RNF40: variants seen among roughly 807,000 people sequenced by gnomAD.
RNF40 encodes the protein ring finger protein 40.
In RNF40, 39 loss-of-function variants were observed where a neutral mutation model predicts 123.3. The ratio of observed to expected loss-of-function variants is 0.32; its 90% confidence interval spans 0.24 to 0.41. RNF40 has a LOEUF of 0.41. RNF40 is among the 10% of genes least tolerant of loss of function. The pLI is 1.00. For missense variants in RNF40, 1,003 were observed against 1,319.9 expected, an observed-to-expected ratio of 0.76 and a Z score of 3.72; for synonymous variants, 538 against 526.0, an observed-to-expected ratio of 1.02 and a Z score of -0.31.
Position 30,763,506 on chromosome 16 carries a change from G to A in RNF40, c.389G>A (p.Gly130Glu), listed in dbSNP as rs1314530349. 4 of 1,614,018 alleles carry A rather than the reference G, an allele frequency of 2.5e-6. No homozygotes were observed. The highest frequency in any genetic ancestry group is 1.7e-5 in the Admixed American group (1 of 60,002). The part of the protein sequence containing the change: ...SAPEAPGTQE[G>E]PTCDGTPLPE... The stretch of plus-strand genomic sequence containing the variant: ...CCTGAGGCACCTGGGACCCAGGAGG[G>A]GCCAACATGTGATGGGACTCCTCTC... The change falls in exon 4 of 20, where the codon GGG (glycine) becomes GAG (glutamate). Residue 130 changes from glycine (G) to glutamate (E), a missense_variant. Coordinates refer to ENST00000324685, the MANE Select transcript of RNF40 (RefSeq NM_014771.4).
Position 30,762,377 on chromosome 16 carries a change from C to CG in RNF40, c.-72+24dup, listed in dbSNP as rs769646000. 1.2e-4 allele frequency: 82 copies of CG among 676,136 alleles called. No individual in the cohort carries two copies. The highest frequency in any genetic ancestry group is 4.2e-4 in the Middle Eastern group (1 of 2,400). The allele number at this position is 676,136 out of a possible 1,614,324, so 41.9% of individuals were successfully genotyped here. A position where few individuals can be genotyped will look rare whatever the true frequency, so the allele number is the denominator to read the frequency against. ...CTCCTGCTGGTGAGGGCTCTGGCGC[C>CG]GGGGGGGACGGGATCCAGCAGGTGT... is the stretch of plus-strand genomic sequence containing the variant. On this transcript the variant is annotated intron_variant, in intron 1 of 19. Coordinates refer to ENST00000324685, the MANE Select transcript of RNF40 (RefSeq NM_014771.4).
chr16:30,775,056 G>T lies in RNF40; in HGVS notation c.*942G>T. On this transcript the variant is annotated 3_prime_UTR_variant, in exon 20 of 20. Transcript: ENST00000324685. ...TCTGCCTGCCCAGCCATGCTCCATC[G>T]GCTGTGAGGGCAGTGCCCGGAGAGG... 1 of 456,438 alleles carries T rather than the reference G, an allele frequency of 2.2e-6. No homozygotes were observed. The allele number at this position is 456,438 out of a possible 1,614,324, so 28.3% of individuals were successfully genotyped here.
chr16:30,762,812 T>C (rs2151324406), intron 2 of RNF40, 135 bp downstream of exon 2: 1 of 1,196,196 alleles, frequency 8.4e-7, no homozygotes, highest in South Asian at 1.4e-5. Context: ...AAAGAAAGGT[T>C]AGAAAGAAGC....
chr16:30,766,060 G>A lies in RNF40; in HGVS notation c.994-103G>A, dbSNP rs777072946. The A allele has an allele frequency of 1.3e-6, 2 of 1,523,898 alleles. No individual in the cohort carries two copies. Among genetic ancestry groups the A allele is most frequent in the Non-Finnish European group, 1.8e-6 (2 of 1,108,034 alleles). 94.4% of individuals were successfully genotyped at this position (1,523,898 alleles called of 1,614,324 possible). On this transcript the variant is annotated intron_variant, in intron 8 of 19. Coordinates refer to ENST00000324685, the MANE Select transcript of RNF40 (RefSeq NM_014771.4). This position sits in a 1 kb window ranked among gnomAD's most constrained non-coding sequence, Gnocchi z 5.4. ...GTTTGGGGTGTCAGAATCGATCATT[G>A]CCCTGCACGGGGTGCTTGGGGTGGA...
rs561524511 is a variant in RNF40, at chr16:30,765,122, C to G, written c.772-59C>G. 2.5e-6 allele frequency: 4 copies of G among 1,611,416 alleles called. No homozygotes were observed. The South Asian group carries it at 3.3e-5, about 13-fold the overall frequency. ...AGGCAGGATTTGGGTTAGATGGGCA[C>G]TCAGGGACCTCAGGAACCAAGTCCC... On this transcript the variant is annotated intron_variant, in intron 6 of 19. Transcript: ENST00000324685.
chr16:30,768,746 G>C lies in RNF40; in HGVS notation c.2097+10G>C. On this transcript the variant is annotated intron_variant, in intron 14 of 19. Transcript: ENST00000324685. The surrounding 1 kb of genome is among the most constrained non-coding windows in gnomAD (Gnocchi z 4.1). Reference sequence around the variant, plus strand: ...CAAGGCTAAGGCCGAGGTGAGGGCAGCTGGGGCTTGTGGGGCATTCAGAAA... The same window carrying C: ...CAAGGCTAAGGCCGAGGTGAGGGCACCTGGGGCTTGTGGGGCATTCAGAAA... 6.2e-7 allele frequency: 1 copy of C among 1,613,844 alleles called. No individual in the cohort carries two copies. Among genetic ancestry groups the C allele is most frequent in the Non-Finnish European group, 8.5e-7 (1 of 1,179,988 alleles).
upstream of RNF40, chr16:30,761,745 G>A: frequency 1.3e-6 from 2 of 1,522,040 alleles, no homozygotes; most frequent in Non-Finnish European, 1.8e-6. Flanking sequence ...TTGCGGTTGA[G>A]CATCTCGCCG....
intron 2 of RNF40, 139 bp from the exon 3 acceptor site, chr16:30,762,979 C>G (rs1014946991): frequency 1.0e-6 from 1 of 1,000,326 alleles, no homozygotes; most frequent in Non-Finnish European, 1.5e-6. Context: ...TCTGAGCCTC[C>G]TTAGATTCTG....
chr16:30,762,277 T>TGGG (rs141812412), upstream of RNF40: 193 of 401,282 alleles, frequency 4.8e-4, no homozygotes, highest in African/African-American at 1.8e-3. Flanking sequence ...TGCGCACCGT[T>TGGG]GGGGGGGGGG....
rs755381769 is a variant in RNF40 at position 30,765,407 on chromosome 16, T to C, written c.919-18T>C. 5.3e-5 allele frequency: 85 copies of C among 1,614,060 alleles called. No individual in the cohort carries two copies. The highest frequency in any genetic ancestry group is 6.9e-5 in the Non-Finnish European group (82 of 1,179,996). ...TCCTCCCCTCTACATCCATTGCCTG[T>C]CTGTTTTCTCTCCACAGCTTAACTC... On this transcript the variant is annotated intron_variant, in intron 7 of 19. Coordinates refer to ENST00000324685, the MANE Select transcript of RNF40 (RefSeq NM_014771.4).
Position 30,765,466 on chromosome 16 carries a change from C to T in RNF40, c.960C>T (p.Phe320=). Residue 320 remains phenylalanine (F), a synonymous_variant, in exon 8 of 20, where the codon TTC becomes TTT. Coordinates refer to ENST00000324685, the MANE Select transcript of RNF40 (RefSeq NM_014771.4). The part of the protein sequence containing the change: ...GYYVSGSSSG[F]QGGQITLSMQ... ...ATGTATCTGGGAGCTCCTCAGGCTTCCAGGGGGGCCAGATCACACTCAGCA... is the reference window on the plus strand; with the variant it reads ...ATGTATCTGGGAGCTCCTCAGGCTTTCAGGGGGGCCAGATCACACTCAGCA... The T allele has an allele frequency of 6.2e-7, 1 of 1,614,120 alleles. No individual in the cohort carries two copies. Among genetic ancestry groups the T allele is most frequent in the Middle Eastern group, 1.6e-4 (1 of 6,062 alleles).
Position 30,769,168 on chromosome 16 carries a change from T to G in RNF40, c.2248-18T>G, listed in dbSNP as rs375973669. On this transcript the variant is annotated intron_variant, in intron 15 of 19. Coordinates refer to ENST00000324685, the MANE Select transcript of RNF40 (RefSeq NM_014771.4). Reference sequence around the variant, plus strand: ...TCCACTTCCCACGTTCCATCTTGTCTCTGCCCACTTGCTGCAGGAGGAGGA... The same window carrying G: ...TCCACTTCCCACGTTCCATCTTGTCGCTGCCCACTTGCTGCAGGAGGAGGA... 93 of 1,613,668 alleles carry G rather than the reference T, an allele frequency of 5.8e-5. No individual in the cohort carries two copies. In the African/African-American group the frequency reaches 1.1e-3, roughly 19 times the overall value.
At chr16:30,761,831 C>T (rs2053831011), upstream of RNF40, 2 of 1,324,604 alleles carry the variant, frequency 1.5e-6, no homozygotes, top group Non-Finnish European at 2.0e-6. Context: ...CGGCGGCTAC[C>T]AAGGCCGGGC....
In RNF40 at chr16:30,766,952, C is replaced by CA; in HGVS notation, c.1429+77dup. 1.3e-6 allele frequency: 2 copies of CA among 1,550,996 alleles called. No homozygotes were observed. Among genetic ancestry groups the CA allele is most frequent in the Non-Finnish European group, 1.7e-6 (2 of 1,145,624 alleles). On this transcript the variant is annotated intron_variant, in intron 11 of 19. Transcript: ENST00000324685. The surrounding 1 kb of genome is among the most constrained non-coding windows in gnomAD (Gnocchi z 5.4). ...CCCTGGTGTGGGGCTGCTGCTTATCCAGATGCAAGAGGCTAAGGCCTTTTT... is the reference window on the plus strand; with the variant it reads ...CCCTGGTGTGGGGCTGCTGCTTATCCAAGATGCAAGAGGCTAAGGCCTTTTT...
intron 17 of RNF40, among the ~76,000 whole-genome samples, chr16:30,771,480 G>C (rs1386912645): frequency 6.6e-6 from 1 of 152,078 alleles, no homozygotes; most frequent in Non-Finnish European, 1.5e-5. Flanking sequence ...AGCTGGGTGT[G>C]GTGGTGGGCG....
chr16:30,772,130 G>A lies in RNF40; in HGVS notation c.2769G>A (p.Arg923=), dbSNP rs937612341. 1.3e-6 allele frequency: 2 copies of A among 1,555,946 alleles called. No individual in the cohort carries two copies. The highest frequency in any genetic ancestry group is 1.4e-5 in the African/African-American group (1 of 73,390). ...SRLRRKLEKQ[R]KVEVYADADE... ...TGCGGCGCAAGCTGGAAAAGCAGAG[G>A]AAGGTGGAGGTCTACGCAGATGCCG... The change falls in exon 19 of 20, where the codon AGG becomes AGA. Residue 923 remains arginine (R), a synonymous_variant. Transcript: ENST00000324685.
chr16:30,767,432 C>T (rs1450935675), intron 11 of RNF40, among the ~76,000 whole-genome samples: 1 of 151,794 alleles, frequency 6.6e-6, no homozygotes. Context: ...ATTTAAGAAT[C>T]TAGAAGAAGT....
intron 17 of RNF40, among the ~76,000 whole-genome samples, chr16:30,771,434 G>A (rs543315819): frequency 2.4e-4 from 37 of 152,064 alleles, no homozygotes; most frequent in Middle Eastern, 3.4e-3. Flanking sequence ...TGGCTAACAC[G>A]GTGAAACCCC....
In RNF40 at chr16:30,766,139, A is replaced by G; in HGVS notation, c.994-24A>G. On this transcript the variant is annotated intron_variant, in intron 8 of 19. Coordinates refer to ENST00000324685, the MANE Select transcript of RNF40 (RefSeq NM_014771.4). This position sits in a 1 kb window ranked among gnomAD's most constrained non-coding sequence, Gnocchi z 5.4. ...GCTGCCACGTCTGGCCCTGCCTCCCATGGCCCTGCCTCCCACTCCTTAGTT... is the reference window on the plus strand; with the variant it reads ...GCTGCCACGTCTGGCCCTGCCTCCCGTGGCCCTGCCTCCCACTCCTTAGTT... 6.8e-6 allele frequency: 11 copies of G among 1,613,306 alleles called. No homozygotes were observed. Among genetic ancestry groups the G allele is most frequent in the Non-Finnish European group, 9.3e-6 (11 of 1,179,768 alleles).
Sources: gnomAD v4.1 joint callset for allele counts (sites outside exome capture counted in the v4.1 genomes callset) on GRCh38, gnomAD v4.1.1 for gene constraint, Gnocchi (gnomAD v3.1) non-coding constraint, MANE v1.5 for transcripts, NCBI Gene and HGNC (gene_info 2026-07-23, HGNC 2026-07-21) for gene names.